The following DIP2B variants were observed in gnomAD, a reference collection of about 807,000 sequenced individuals.
The protein encoded by DIP2B is DIP2 acetate--CoA ligase B (putative).
Under a neutral mutation model 198.0 loss-of-function variants are expected in DIP2B, and 76 were observed. That is an observed-to-expected ratio of 0.38 (90% CI 0.32 to 0.46). DIP2B has a LOEUF of 0.46. Ranked by LOEUF, DIP2B falls within the 20% of genes least tolerant of loss-of-function variation. The probability of loss-of-function intolerance (pLI) is 0.99; values close to 1 mark genes in which losing one functional copy is unlikely to be tolerated. For missense variants in DIP2B, 1,559 were observed against 1,978.4 expected (o/e 0.79, Z 4.02); for synonymous variants, 701 against 739.1 (o/e 0.95, Z 0.84).
intron 9 of DIP2B, among the ~76,000 whole-genome samples, chr12:50,682,076 C>T (rs143649176): frequency 2.0e-4 from 30 of 152,212 alleles, no homozygotes; most frequent in Admixed American, 1.0e-3. Context: ...TAAGAAACTC[C>T]GCAGTGGTAG....
intron 1 of DIP2B, among the ~76,000 whole-genome samples, chr12:50,610,326 A>G (rs10876071): frequency 0.27 from 41,412 of 151,688 alleles, 5,973 homozygotes; most frequent in East Asian, 0.39. Flanking sequence ...TTTAATTGCT[A>G]GTTTTGATTG....
intron 1 of DIP2B, among the ~76,000 whole-genome samples, chr12:50,508,888 C>T (rs978245126): frequency 6.6e-6 from 1 of 151,974 alleles, no homozygotes; most frequent in Admixed American, 6.6e-5. Flanking sequence ...GTAGTAGACA[C>T]GGGTTTTCTC....
chr12:50,595,143 C>G (rs890395180), intron 1 of DIP2B, among the ~76,000 whole-genome samples: 4 of 152,174 alleles, frequency 2.6e-5, no homozygotes, highest in Non-Finnish European at 5.9e-5. Context: ...TAAACACATT[C>G]ACAGCCATTG....
At chr12:50,593,183 G>A (rs1958833978) in intron 1 of DIP2B, among the ~76,000 whole-genome samples, 1 of 152,138 alleles carries the variant, frequency 6.6e-6, no homozygotes, top group Admixed American at 6.6e-5. Context: ...CCTGGTTTAA[G>A]ACCAGAGTGG....
intron 1 of DIP2B, among the ~76,000 whole-genome samples, chr12:50,509,907 G>A (rs1957999972): frequency 6.6e-6 from 1 of 152,170 alleles, no homozygotes; most frequent in African/African-American, 2.4e-5. Flanking sequence ...AAGCAGGAAT[G>A]TAGATTTTTA....
At chr12:50,527,661 G>C in intron 1 of DIP2B, among the ~76,000 whole-genome samples, 1 of 152,120 alleles carries the variant, frequency 6.6e-6, no homozygotes, top group Non-Finnish European at 1.5e-5. Context: ...AGTGAACTAT[G>C]ATCGTGCCAC....
chr12:50,628,181 G>A (rs965651000), intron 2 of DIP2B, among the ~76,000 whole-genome samples: 6 of 152,060 alleles, frequency 3.9e-5, no homozygotes, highest in African/African-American at 1.2e-4. Flanking sequence ...GACCAGCCTG[G>A]CCAACATGGC....
chr12:50,720,055 C>T (rs561869305), intron 25 of DIP2B, among the ~76,000 whole-genome samples: 4 of 150,894 alleles, frequency 2.7e-5, no homozygotes, highest in Admixed American at 6.6e-5. Context: ...CTCAGCGTCC[C>T]GAGTAGCTGG....
At chr12:50,681,443 C>CA (rs568239172) in intron 9 of DIP2B, among the ~76,000 whole-genome samples, 2,630 of 149,688 alleles carry the variant, frequency 0.018, 108 homozygotes, top group Admixed American at 0.091. Context: ...ACAACAACAA[C>CA]AAAAAAAAAG....
At chr12:50,735,939 A>G (rs1422199877) in intron 34 of DIP2B, among the ~76,000 whole-genome samples, 1 of 152,220 alleles carries the variant, frequency 6.6e-6, no homozygotes, top group Non-Finnish European at 1.5e-5. Context: ...TTAGATTAGA[A>G]TGAGGCTATA....
At chr12:50,691,321 T>C (rs1474541167) in intron 13 of DIP2B, among the ~76,000 whole-genome samples, 170 bp downstream of exon 13, 1 of 152,198 alleles carries the variant, frequency 6.6e-6, no homozygotes, top group African/African-American at 2.4e-5. Context: ...TGCTGTAGTT[T>C]AAAGGAACCA....
At chr12:50,673,986 A>G (rs958531188) in intron 5 of DIP2B, among the ~76,000 whole-genome samples, 2 of 152,108 alleles carry the variant, frequency 1.3e-5, no homozygotes, top group African/African-American at 2.4e-5. Flanking sequence ...TCATCTGGAA[A>G]CTTGTGCAGC....
At chr12:50,730,001 G>C (rs1371620583) in intron 30 of DIP2B, among the ~76,000 whole-genome samples, 1 of 152,114 alleles carries the variant, frequency 6.6e-6, no homozygotes, top group East Asian at 1.9e-4. Flanking sequence ...AGGATTATAG[G>C]TGTGAGCCAC....
intron 1 of DIP2B, among the ~76,000 whole-genome samples, chr12:50,524,511 CCTTCCCTATT>C (rs1342393234): frequency 6.6e-6 from 1 of 152,098 alleles, no homozygotes. Flanking sequence ...TCCCTTCTCT[CCTTCCCTATT>C]CTTCCCTCTC....
Position 50,739,476 on chromosome 12 carries a change from C to G in DIP2B, c.4244C>G (p.Ala1415Gly). The G allele has an allele frequency of 6.2e-7, 1 of 1,614,202 alleles. No individual in the cohort carries two copies. Residue 1415 changes from alanine to glycine, a missense_variant, in exon 36 of 38, where the codon GCT becomes GGT. Transcript: ENST00000301180. The stretch of plus-strand genomic sequence containing the variant: ...ATCTATGATAGCGAGACTCTTCAAG[C>G]TGATCATTTCAACACTCGCCTCAGC... ...YTIYDSETLQ[A>G]DHFNTRLSFG...
Position 50,697,143 on chromosome 12 carries a change from G to A in DIP2B, c.2016G>A (p.Thr672=), listed in dbSNP as rs745849543. The change falls in exon 17 of 38, where the codon ACG becomes ACA. Residue 672 remains threonine, a synonymous_variant. Coordinates refer to ENST00000301180, the MANE Select transcript of DIP2B (RefSeq NM_173602.3). The stretch of plus-strand genomic sequence containing the variant: ...CTGAGGCCATCTGTCCGTGCGCCAC[G>A]TCTGCTGAAGCCATGACTGTAGCAA... ...LKPEAICPCA[T]SAEAMTVAIR... is the part of the protein sequence containing the mutation. The A allele has an allele frequency of 7.4e-6, 12 of 1,613,956 alleles. No homozygotes were observed. Among genetic ancestry groups the A allele is most frequent in the African/African-American group, 1.3e-5 (1 of 74,908 alleles).
chr12:50,675,312 C>A lies in DIP2B; in HGVS notation c.797-17C>A, dbSNP rs542211518. The A allele has an allele frequency of 1.9e-5, 30 of 1,605,744 alleles. No individual in the cohort carries two copies. The South Asian group carries it at 2.5e-4, about 13-fold the overall frequency. On this transcript the variant is annotated splice_polypyrimidine_tract_variant and intron_variant, in intron 6 of 37. Coordinates refer to ENST00000301180, the MANE Select transcript of DIP2B (RefSeq NM_173602.3). ...TACAGTCAATGAATTTTAACTTAACCATTTTTTCCCTTATAGGTGTTCCTG... is the reference window on the plus strand; with the variant it reads ...TACAGTCAATGAATTTTAACTTAACAATTTTTTCCCTTATAGGTGTTCCTG...
At chr12:50,721,488 G>T in intron 26 of DIP2B, 92 bp downstream of exon 26, 1 of 1,554,154 alleles carries the variant, frequency 6.4e-7, no homozygotes, top group Non-Finnish European at 8.7e-7. Flanking sequence ...TACTCTCTAT[G>T]ACTTGCAAGC....
chr12:50,584,853 C>T (rs947898247), intron 1 of DIP2B, among the ~76,000 whole-genome samples: 4 of 152,186 alleles, frequency 2.6e-5, no homozygotes, highest in Admixed American at 1.3e-4. Flanking sequence ...CGTGAACCAC[C>T]GCGCCTGGCC....
Sources: gnomAD v4.1 joint callset for allele counts (sites outside exome capture counted in the v4.1 genomes callset) on GRCh38, gnomAD v4.1.1 for gene constraint, MANE v1.5 for transcripts, NCBI Gene and HGNC (gene_info 2026-07-23, HGNC 2026-07-21) for gene names.